The following COL5A1 variants were observed in gnomAD, a reference collection of about 807,000 sequenced individuals.
The protein encoded by COL5A1 is collagen alpha-1(V) chain.
In COL5A1, 16 loss-of-function variants were observed where a neutral mutation model predicts 263.7. That is an observed-to-expected ratio of 0.06 (90% CI 0.04 to 0.09). The LOEUF (loss-of-function observed/expected upper bound fraction) is 0.09. COL5A1 is among the 10% of genes least tolerant of loss of function. The pLI is 1.00. For synonymous variants in COL5A1, 1,012 were observed against 1,004.5 expected (o/e 1.01, Z -0.14); for missense variants, 2,036 against 2,540.5 (o/e 0.80, Z 4.27).
intron 64 of COL5A1, among the ~76,000 whole-genome samples, chr9:134,834,317 G>A (rs1467897934): frequency 6.6e-6 from 1 of 152,230 alleles, no homozygotes; most frequent in Non-Finnish European, 1.5e-5. Context: ...TTTTGAGAAT[G>A]GTTCTCTGTT....
chr9:134,764,654 C>T (rs967810886), intron 20 of COL5A1, among the ~76,000 whole-genome samples: 17 of 152,130 alleles, frequency 1.1e-4, no homozygotes, highest in Admixed American at 4.6e-4. Context: ...CGGCTGCGTG[C>T]GTCAGGTGGT....
chr9:134,776,085 G>A (rs1034184303), intron 27 of COL5A1, among the ~76,000 whole-genome samples: 1 of 152,152 alleles, frequency 6.6e-6, no homozygotes, highest in African/African-American at 2.4e-5. Flanking sequence ...GTCCCCCGGA[G>A]GCCCCGACTT....
chr9:134,642,300 A>C lies in COL5A1; in HGVS notation c.109+4A>C. On this transcript the variant is annotated splice_donor_region_variant and intron_variant, in intron 1 of 65. Coordinates refer to ENST00000371817, the MANE Select transcript of COL5A1 (RefSeq NM_000093.5). The surrounding 1 kb of genome is among the most constrained non-coding windows in gnomAD (Gnocchi z 4.5). The stretch of plus-strand genomic sequence containing the variant: ...GCGCCGCCTCCGAGCCGCGCAGGTA[A>C]GGGCGCCCCGGGGCGCGGGGCTGCG... 1 of 980,050 alleles carries C rather than the reference A, an allele frequency of 1.0e-6. No homozygotes were observed. Among genetic ancestry groups the C allele is most frequent in the Non-Finnish European group, 1.3e-6 (1 of 779,970 alleles). The allele number at this position is 980,050 out of a possible 1,614,324, so 60.7% of individuals were successfully genotyped here.
At chr9:134,823,192 C>T (rs1478582604) in intron 60 of COL5A1, among the ~76,000 whole-genome samples, 159 bp downstream of exon 60, 1 of 152,214 alleles carries the variant, frequency 6.6e-6, no homozygotes, top group Non-Finnish European at 1.5e-5. Context: ...CGGACTGAGG[C>T]AGGTGGGCTG....
intron 4 of COL5A1, among the ~76,000 whole-genome samples, chr9:134,704,226 C>T (rs1232958975): frequency 6.6e-6 from 1 of 152,020 alleles, no homozygotes; most frequent in Non-Finnish European, 1.5e-5. Context: ...GTGAGATCTT[C>T]GGTGAGTTGT....
At chr9:134,660,090 C>T (rs1832158059) in intron 1 of COL5A1, among the ~76,000 whole-genome samples, 1 of 152,190 alleles carries the variant, frequency 6.6e-6, no homozygotes, top group Admixed American at 6.5e-5. Flanking sequence ...GGTCAGGGAC[C>T]TGGGCCACGA....
chr9:134,759,871 T>TGCACACACACCACACAGGC (rs1836232993), intron 18 of COL5A1, among the ~76,000 whole-genome samples: 1 of 50,046 alleles, frequency 2.0e-5, no homozygotes, highest in Non-Finnish European at 3.3e-5. Flanking sequence ...CACTCACACA[T>TGCACACACACCACACAGGC]GCACACACAC....
At chr9:134,822,647 G>A (rs1839055041) in intron 59 of COL5A1, among the ~76,000 whole-genome samples, 1 of 151,736 alleles carries the variant, frequency 6.6e-6, no homozygotes, top group African/African-American at 2.4e-5. Context: ...GCTGGCCCCT[G>A]CTGTGTGCTA....
At chr9:134,659,501 A>G (rs1832135052) in intron 1 of COL5A1, among the ~76,000 whole-genome samples, 1 of 152,224 alleles carries the variant, frequency 6.6e-6, no homozygotes, top group South Asian at 2.1e-4. Flanking sequence ...AGTGCCAAGT[A>G]GCCAAGGAAG....
At chr9:134,834,868 G>A (rs377348506) in intron 64 of COL5A1, 103 bp from the exon 65 acceptor site, 11 of 848,330 alleles carry the variant, frequency 1.3e-5, no homozygotes, top group African/African-American at 6.7e-5. Context: ...TAGTTCCCCC[G>A]AGAAGACCAC....
Position 134,794,131 on chromosome 9 carries a change from T to TTCA in COL5A1, c.2701-951_2701-950insTCA, listed in dbSNP as rs1837812993. On this transcript the variant is annotated intron_variant, in intron 32 of 65. Transcript: ENST00000371817. The surrounding 1 kb of genome is among the most constrained non-coding windows in gnomAD (Gnocchi z 4.3). ...TCACGAGGTCAAGAGATCGAGACCA[T>TTCA]CCTTGCCAACATGGTGAAACCCTGT... Among the ~76,000 whole-genome samples the TTCA allele has an allele frequency of 6.6e-6, 1 of 151,998 alleles. No individual in the cohort carries two copies. The highest frequency in any genetic ancestry group is 1.5e-5 in the Non-Finnish European group (1 of 68,006).
intron 4 of COL5A1, among the ~76,000 whole-genome samples, chr9:134,702,105 A>G (rs985110172): frequency 6.6e-6 from 1 of 152,206 alleles, no homozygotes; most frequent in Non-Finnish European, 1.5e-5. Context: ...CAGCCTGCAC[A>G]GGGTCCTGGA....
At position 134,818,718 on chromosome 9, in the gene COL5A1, T is replaced by G. The variant is rs1318384751; in HGVS notation, c.4293T>G (p.Pro1431=). 6.2e-7 allele frequency: 1 copy of G among 1,611,136 alleles called. No homozygotes were observed. Among genetic ancestry groups the G allele is most frequent in the Admixed American group, 1.7e-5 (1 of 59,808 alleles). The change falls in exon 55 of 66, where the codon CCT becomes CCG. Residue 1431 remains proline (P), a synonymous_variant. Coordinates refer to ENST00000371817, the MANE Select transcript of COL5A1 (RefSeq NM_000093.5). This position sits in a 1 kb window ranked among gnomAD's most constrained non-coding sequence, Gnocchi z 6.0. The part of the protein sequence containing the change: ...KTGPIGPQGA[P]GKPGPDGLRG... ...GCCCCATCGGCCCCCAGGGGGCCCC[T>G]GGGAAGCCCGGACCGGATGGCCTTC...
rs1476413504 is a variant in COL5A1 at position 134,841,450 on chromosome 9, G to A, written c.5371-707G>A. Reference sequence around the variant, plus strand: ...CTAGGCTTCCATCCCACATCCCAGCGCCCAGGGTTGTGCTGTTTTGAGCAA... The same window carrying A: ...CTAGGCTTCCATCCCACATCCCAGCACCCAGGGTTGTGCTGTTTTGAGCAA... On this transcript the variant is annotated intron_variant, in intron 65 of 65. Transcript: ENST00000371817. The surrounding 1 kb of genome is among the most constrained non-coding windows in gnomAD (Gnocchi z 4.8). 1.3e-5 allele frequency among the ~76,000 whole-genome samples: 2 copies of A among 152,140 alleles called. No homozygotes were observed. Among genetic ancestry groups the A allele is most frequent in the African/African-American group, 4.8e-5 (2 of 41,418 alleles).
At chr9:134,763,571 C>T in intron 19 of COL5A1, 122 bp from the exon 20 acceptor site, 1 of 974,030 alleles carries the variant, frequency 1.0e-6, no homozygotes, top group South Asian at 1.3e-5. Context: ...GGTACCAGAG[C>T]TGGTAAACCT....
intron 1 of COL5A1, among the ~76,000 whole-genome samples, chr9:134,658,513 A>G (rs114516761): frequency 0.017 from 2,535 of 151,988 alleles, 72 homozygotes; most frequent in African/African-American, 0.057. Context: ...GCCCCTTCAC[A>G]TGCATACGCT....
At position 134,789,019 on chromosome 9, in the gene COL5A1, G is replaced by A. The variant is rs1837576187; in HGVS notation, c.2647-136G>A. On this transcript the variant is annotated intron_variant, in intron 31 of 65. Transcript: ENST00000371817. This position sits in a 1 kb window ranked among gnomAD's most constrained non-coding sequence, Gnocchi z 4.8. ...GAGAAGGTAGGTAGACAGGTAGGTG[G>A]GTGGTTGGGTGGGTGGGCAGGTGGA... The A allele has an allele frequency of 2.7e-6, 2 of 734,686 alleles. No individual in the cohort carries two copies. Among genetic ancestry groups the A allele is most frequent in the Admixed American group, 4.0e-5 (2 of 49,858 alleles). 45.5% of individuals were successfully genotyped at this position (734,686 alleles called of 1,614,324 possible). A position where few individuals can be genotyped will look rare whatever the true frequency, so the allele number is the denominator to read the frequency against.
At position 134,792,862 on chromosome 9, in the gene COL5A1, TGTGCGCGCGTTTGTGCAC is replaced by T. The variant is rs1837759903; in HGVS notation, c.2701-2219_2701-2202del. On this transcript the variant is annotated intron_variant, in intron 32 of 65. Coordinates refer to ENST00000371817, the MANE Select transcript of COL5A1 (RefSeq NM_000093.5). The stretch of plus-strand genomic sequence containing the variant: ...GTATGTGTGTGTGCGCACACGTGTG[TGTGCGCGCGTTTGTGCAC>T]ACGTGTGTGTGCGCGCGTGTGTGCA... 1.9e-4 allele frequency among the ~76,000 whole-genome samples: 6 copies of T among 31,348 alleles called. No individual in the cohort carries two copies. The South Asian group carries it at 3.0e-3, about 16-fold the overall frequency. The allele number at this position is 31,348 out of a possible 152,430, so 20.6% of individuals were successfully genotyped here. A position where few individuals can be genotyped will look rare whatever the true frequency, so the allele number is the denominator to read the frequency against.
Position 134,765,582 on chromosome 9 carries a change from G to A in COL5A1, c.2035-99G>A. On this transcript the variant is annotated intron_variant, in intron 20 of 65. Coordinates refer to ENST00000371817, the MANE Select transcript of COL5A1 (RefSeq NM_000093.5). The surrounding 1 kb of genome is among the most constrained non-coding windows in gnomAD (Gnocchi z 5.1). ...CCAGGAGGCCTGAGTCACCAGCTGGGGTTCTGGGTGGAGTCAGGGCCAAGT... is the reference window on the plus strand; with the variant it reads ...CCAGGAGGCCTGAGTCACCAGCTGGAGTTCTGGGTGGAGTCAGGGCCAAGT... The A allele has an allele frequency of 9.4e-7, 1 of 1,066,056 alleles. No homozygotes were observed. The highest frequency in any genetic ancestry group is 1.5e-6 in the Non-Finnish European group (1 of 689,010). 66.0% of individuals were successfully genotyped at this position (1,066,056 alleles called of 1,614,324 possible).
Sources: gnomAD v4.1 joint callset for allele counts (sites outside exome capture counted in the v4.1 genomes callset) on GRCh38, gnomAD v4.1.1 for gene constraint, Gnocchi (gnomAD v3.1) non-coding constraint, MANE v1.5 for transcripts, NCBI Gene and HGNC (gene_info 2026-07-23, HGNC 2026-07-21) for gene names.